Variants in ATP8A1 observed in about 807,000 individuals in gnomAD.
The protein encoded by ATP8A1 is phospholipid-transporting ATPase IA.
In ATP8A1, 90 loss-of-function variants were observed where a neutral mutation model predicts 177.7. The ratio of observed to expected loss-of-function variants is 0.51; its 90% CI spans 0.43 to 0.60. ATP8A1 has a LOEUF of 0.60. Ranked by LOEUF, ATP8A1 falls within the 20% of genes least tolerant of loss-of-function variation. The pLI, the probability that ATP8A1 is intolerant of heterozygous loss-of-function variation, is 0.00. For synonymous variants in ATP8A1, 493 were observed against 485.9 expected, an observed-to-expected ratio of 1.01 and a Z score of -0.19; for missense variants, 1,072 against 1,392.8, an observed-to-expected ratio of 0.77 and a Z score of 3.67.
At chr4:42,613,765 G>C (rs1025283955) in intron 5 of ATP8A1, among the ~76,000 whole-genome samples, 2 of 151,884 alleles carry the variant, frequency 1.3e-5, no homozygotes, top group Admixed American at 1.3e-4. Context: ...TGTATTTTTA[G>C]TAGAGATGGG....
At chr4:42,541,891 C>T (rs1379551803) in intron 20 of ATP8A1, among the ~76,000 whole-genome samples, 3 of 152,062 alleles carry the variant, frequency 2.0e-5, no homozygotes. Context: ...AATGACTAGG[C>T]GGGGCACAGG....
intron 22 of ATP8A1, among the ~76,000 whole-genome samples, chr4:42,518,148 T>A (rs1435568238): frequency 6.6e-6 from 1 of 152,220 alleles, no homozygotes; most frequent in Admixed American, 6.5e-5. Context: ...TGAACAAACA[T>A]TGGAGGAACA....
intron 35 of ATP8A1, among the ~76,000 whole-genome samples, chr4:42,419,880 G>A (rs1178615359): frequency 1.3e-5 from 2 of 152,160 alleles, no homozygotes; most frequent in African/African-American, 4.8e-5. Context: ...GCGTGTGCCT[G>A]TAATCCCAGC....
Position 42,557,132 on chromosome 4 carries a change from T to A in ATP8A1, c.1341-1092A>T, listed in dbSNP as rs555487765. On this transcript the variant is annotated intron_variant, in intron 15 of 36. Transcript: ENST00000381668. ...TAGAATGTTTATAATGGAACACATA[T>A]CTACATGTAGTAACTTGCTCTATTA... 1.3e-4 allele frequency among the ~76,000 whole-genome samples: 20 copies of A among 152,170 alleles called. 1 individual carries two copies. Among genetic ancestry groups the A allele is most frequent in the Non-Finnish European group, 2.9e-4 (20 of 67,994 alleles).
intron 23 of ATP8A1, 94 bp from the exon 24 acceptor site, chr4:42,503,608 A>G (rs561475090): frequency 3.9e-5 from 31 of 803,228 alleles, no homozygotes; most frequent in Non-Finnish European, 5.3e-5. Flanking sequence ...ATATCTAAAG[A>G]TGATTTTATA....
intron 20 of ATP8A1, among the ~76,000 whole-genome samples, chr4:42,532,855 CCTAA>C (rs757445415): frequency 2.8e-4 from 43 of 152,212 alleles, no homozygotes; most frequent in Non-Finnish European, 4.1e-4. Context: ...CCTGCCCCAC[CCTAA>C]CTGATACGAT....
chr4:42,488,577 C>T (rs757137206), intron 24 of ATP8A1, among the ~76,000 whole-genome samples: 92 of 151,534 alleles, frequency 6.1e-4, no homozygotes, highest in Non-Finnish European at 4.6e-4. Context: ...AATCTTGTCT[C>T]TTCTTGCTTT....
intron 15 of ATP8A1, among the ~76,000 whole-genome samples, chr4:42,568,007 G>A (rs749567749): frequency 5.9e-5 from 9 of 152,080 alleles, no homozygotes; most frequent in Admixed American, 2.6e-4. Flanking sequence ...AGATATAGTC[G>A]AAATTTTAAC....
chr4:42,550,273 T>G (rs966146249), intron 18 of ATP8A1, among the ~76,000 whole-genome samples: 4 of 151,844 alleles, frequency 2.6e-5, no homozygotes, highest in African/African-American at 9.7e-5. Context: ...TGTTGATGAA[T>G]CAATAACTCA....
intron 1 of ATP8A1, among the ~76,000 whole-genome samples, chr4:42,635,810 T>TATATATATATATACAC (rs1305090729): frequency 3.8e-5 from 4 of 103,900 alleles, no homozygotes; most frequent in African/African-American, 2.1e-4. Context: ...TATATATATA[T>TATATATATATATACAC]ACACATGTAT....
intron 1 of ATP8A1, among the ~76,000 whole-genome samples, chr4:42,652,626 A>G (rs748318500): frequency 2.0e-5 from 3 of 152,114 alleles, no homozygotes; most frequent in Non-Finnish European, 2.9e-5. Flanking sequence ...TTGCTCCCAT[A>G]ATCCCCAAGT....
chr4:42,534,880 G>A (rs571004697), intron 20 of ATP8A1, among the ~76,000 whole-genome samples: 9 of 152,154 alleles, frequency 5.9e-5, no homozygotes, highest in East Asian at 1.9e-4. Context: ...AACAATTATC[G>A]GCCAAGAATT....
At chr4:42,593,455 A>G (rs1734397124) in intron 6 of ATP8A1, among the ~76,000 whole-genome samples, 1 of 152,104 alleles carries the variant, frequency 6.6e-6, no homozygotes, top group South Asian at 2.1e-4. Flanking sequence ...TTCTATAAAT[A>G]TCTAGTATAA....
chr4:42,516,150 G>A lies in ATP8A1; in HGVS notation c.1947+6010C>T, dbSNP rs112404613. 7.5e-3 allele frequency among the ~76,000 whole-genome samples: 1,141 copies of A among 152,238 alleles called. 8 individuals carry two copies. The highest frequency in any genetic ancestry group is 0.026 in the African/African-American group (1,070 of 41,550). On this transcript the variant is annotated intron_variant, in intron 22 of 36. Transcript: ENST00000381668. ...GTTAACATAGGCTAGTCAGTCAAGC[G>A]CTGGAGACACAGTGATAAATATGAT...
chr4:42,651,301 A>G (rs1287381444), intron 1 of ATP8A1, among the ~76,000 whole-genome samples: 1 of 152,192 alleles, frequency 6.6e-6, no homozygotes, highest in Admixed American at 6.5e-5. Context: ...GTGCTGCTGA[A>G]AAGATACTGA....
At chr4:42,491,581 C>T (rs1722746879) in intron 24 of ATP8A1, among the ~76,000 whole-genome samples, 1 of 152,116 alleles carries the variant, frequency 6.6e-6, no homozygotes. Flanking sequence ...ACAATGAAAT[C>T]TGACACAGTT....
At chr4:42,551,317 TG>T (rs770471672) in intron 17 of ATP8A1, 37 bp from the exon 18 acceptor site, 2 of 1,441,854 alleles carry the variant, frequency 1.4e-6, no homozygotes, top group East Asian at 4.5e-5. Flanking sequence ...AACACATGAT[TG>T]AAAAAAAAAT....
chr4:42,552,529 T>A lies in ATP8A1; in HGVS notation c.1495A>T (p.Ile499Phe), dbSNP rs777443512. The change falls in exon 17 of 37, where the codon ATT becomes TTT. Residue 499 changes from isoleucine (I) to phenylalanine (F), a missense_variant. This residue lies in a region of ATP8A1 where 388 missense variants were observed against 471.7 expected (regional missense o/e 0.82). Transcript: ENST00000381668. ...TAVPEREGDKIIYQAASPDEG... is the reference protein window; with the variant it reads ...TAVPEREGDKFIYQAASPDEG... ...CCTGGAGATGCTGCTTGATAAATAA[T>A]CTTGTCACCTTCTCGCTCTGGCACT... is the stretch of plus-strand genomic sequence containing the variant. 6.2e-6 allele frequency: 10 copies of A among 1,612,608 alleles called. No individual in the cohort carries two copies. The highest frequency in any genetic ancestry group is 1.7e-5 in the Admixed American group (1 of 59,726).
chr4:42,512,481 T>G (rs1725104840), intron 22 of ATP8A1, among the ~76,000 whole-genome samples: 2 of 152,314 alleles, frequency 1.3e-5, no homozygotes, highest in East Asian at 3.9e-4. Flanking sequence ...TCCAAGCAGG[T>G]GCTTCTGGGC....
Sources: allele counts gnomAD v4.1 joint callset (sites outside exome capture counted in the v4.1 genomes callset), GRCh38; gene constraint gnomAD v4.1.1; regional missense constraint gnomAD v4.1.1; transcripts MANE v1.5; gene names NCBI Gene and HGNC (gene_info 2026-07-23, HGNC 2026-07-21).